PCDH15: variants seen among roughly 807,000 people sequenced by gnomAD.
The protein encoded by PCDH15 is protocadherin related 15.
A neutral mutation model predicts 178.5 loss-of-function variants in PCDH15; 129 were observed. The observed-to-expected ratio is 0.72, with a 90% CI of 0.63 to 0.84. The LOEUF is 0.84. Ranked by LOEUF, PCDH15 falls within the 40% of genes least tolerant of loss-of-function variation. The pLI is 0.00. For synonymous variants in PCDH15, 800 were observed against 732.0 expected, an observed-to-expected ratio of 1.09 and a Z score of -1.50; for missense variants, 2,230 against 2,099.9, an observed-to-expected ratio of 1.06 and a Z score of -1.21.
At chr10:55,118,349 T>C (rs966078592) in intron 2 of PCDH15, among the ~76,000 whole-genome samples, 3 of 152,166 alleles carry the variant, frequency 2.0e-5, no homozygotes, top group African/African-American at 4.8e-5. Context: ...CGAATGTAAG[T>C]TGACAAAGCT....
intron 2 of PCDH15, among the ~76,000 whole-genome samples, chr10:55,619,110 A>C (rs1843536800): frequency 6.6e-6 from 1 of 152,056 alleles, no homozygotes; most frequent in Non-Finnish European, 1.5e-5. Context: ...ACTTGTAAAA[A>C]AATGCAACCA....
At chr10:54,450,134 T>C in intron 3 of PCDH15, among the ~76,000 whole-genome samples, 1 of 47,594 alleles carries the variant, frequency 2.1e-5, no homozygotes, top group South Asian at 5.3e-4. Flanking sequence ...TTTATAAATA[T>C]ATATATATAT....
chr10:55,568,956 G>A (rs1842355967), intron 2 of PCDH15, among the ~76,000 whole-genome samples: 1 of 152,056 alleles, frequency 6.6e-6, no homozygotes. Flanking sequence ...ATCTCTGAGA[G>A]AGGGAATGGT....
chr10:54,812,228 A>G (rs1952873931), intron 3 of PCDH15, among the ~76,000 whole-genome samples: 1 of 151,934 alleles, frequency 6.6e-6, no homozygotes, highest in Non-Finnish European at 1.5e-5. Context: ...AACAAACACA[A>G]AATTGTTGGT....
intron 1 of PCDH15, among the ~76,000 whole-genome samples, chr10:55,204,586 C>A (rs1029468512): frequency 6.6e-6 from 1 of 151,974 alleles, no homozygotes; most frequent in African/African-American, 2.4e-5. Context: ...TGCTAAAGGT[C>A]TATAAGACCC....
chr10:55,013,950 C>G (rs998226340), intron 2 of PCDH15, among the ~76,000 whole-genome samples: 1 of 152,130 alleles, frequency 6.6e-6, no homozygotes, highest in South Asian at 2.1e-4. Flanking sequence ...ATCTTCTAGT[C>G]TCTATGAATT....
intron 37 of PCDH15, chr10:53,807,930 T>G (rs556978393): frequency 6.6e-6 from 1 of 152,262 alleles, no homozygotes; most frequent in African/African-American, 2.4e-5. Context: ...TACTGTGTTT[T>G]TCTCAAAATA....
chr10:54,783,193 A>C, intron 1 of PCDH15, among the ~76,000 whole-genome samples: 1 of 152,122 alleles, frequency 6.6e-6, no homozygotes, highest in East Asian at 1.9e-4. Flanking sequence ...AAAGAAACAG[A>C]TACAAGAAAA....
At chr10:55,199,625 C>T (rs1840186824) in intron 1 of PCDH15, among the ~76,000 whole-genome samples, 1 of 152,116 alleles carries the variant, frequency 6.6e-6, no homozygotes, top group Non-Finnish European at 1.5e-5. Flanking sequence ...GGGGAAAATG[C>T]CTCCAGGGCA....
At chr10:54,546,134 C>T (rs1028850897) in intron 2 of PCDH15, among the ~76,000 whole-genome samples, 1 of 152,170 alleles carries the variant, frequency 6.6e-6, no homozygotes, top group African/African-American at 2.4e-5. Context: ...CTATTTGGCT[C>T]TCATGATCTT....
At chr10:54,961,800 C>T (rs1838662812) in intron 2 of PCDH15, among the ~76,000 whole-genome samples, 1 of 152,164 alleles carries the variant, frequency 6.6e-6, no homozygotes, top group African/African-American at 2.4e-5. Context: ...GACAACCTGC[C>T]TGCAGATAAG....
chr10:55,433,349 C>T (rs1838938089), intron 2 of PCDH15, among the ~76,000 whole-genome samples: 1 of 152,084 alleles, frequency 6.6e-6, no homozygotes, highest in Non-Finnish European at 1.5e-5. Context: ...TGTTTTCACT[C>T]GTAAGTGGTA....
At chr10:55,235,367 A>T (rs1358436265) in intron 1 of PCDH15, among the ~76,000 whole-genome samples, 1 of 152,086 alleles carries the variant, frequency 6.6e-6, no homozygotes, top group East Asian at 1.9e-4. Context: ...CAACCCTAAA[A>T]AATATGGAAT....
chr10:54,699,732 T>A (rs1230391316), intron 1 of PCDH15, among the ~76,000 whole-genome samples: 1 of 152,054 alleles, frequency 6.6e-6, no homozygotes, highest in Non-Finnish European at 1.5e-5. Context: ...TCATATATAT[T>A]ATTTCCATTA....
At chr10:55,297,234 A>G (rs1224916140) in intron 1 of PCDH15, among the ~76,000 whole-genome samples, 1 of 152,118 alleles carries the variant, frequency 6.6e-6, no homozygotes, top group Non-Finnish European at 1.5e-5. Context: ...TAAGCTGAAG[A>G]TAAATGATTG....
At position 54,674,432 on chromosome 10, in the gene PCDH15, G is replaced by C. The variant is rs1248113831; in HGVS notation, c.-28-10142C>G. Among the ~76,000 whole-genome samples, 6 of 152,140 alleles carry C rather than the reference G, an allele frequency of 3.9e-5. No individual in the cohort carries two copies. In the East Asian group the frequency reaches 1.2e-3, roughly 29 times the overall value. On this transcript the variant is annotated intron_variant, in intron 1 of 37. Coordinates refer to ENST00000644397, the MANE Select transcript of PCDH15 (RefSeq NM_001384140.1). ...AATCATGTATGAAATGTATAGTCTAGAACGTTTGCAGAAATATCATCTCAA... is the reference window on the plus strand; with the variant it reads ...AATCATGTATGAAATGTATAGTCTACAACGTTTGCAGAAATATCATCTCAA...
At chr10:54,492,721 C>T (rs2079715222) in intron 3 of PCDH15, among the ~76,000 whole-genome samples, 1 of 152,108 alleles carries the variant, frequency 6.6e-6, no homozygotes. Flanking sequence ...ACTACATTCA[C>T]ATAACTTTTA....
intron 1 of PCDH15, among the ~76,000 whole-genome samples, chr10:54,727,281 A>G (rs1942697240): frequency 6.6e-6 from 1 of 151,562 alleles, no homozygotes; most frequent in South Asian, 2.1e-4. Context: ...AAAAATAGAA[A>G]TCAATACACG....
chr10:54,328,235 A>C (rs1938615477), intron 7 of PCDH15, among the ~76,000 whole-genome samples: 1 of 151,992 alleles, frequency 6.6e-6, no homozygotes, highest in East Asian at 1.9e-4. Flanking sequence ...GGAATCATCC[A>C]GTATGTAGCC....
Sources: allele counts gnomAD v4.1 joint callset (sites outside exome capture counted in the v4.1 genomes callset), GRCh38; gene constraint gnomAD v4.1.1; transcripts MANE v1.5; gene names NCBI Gene and HGNC (gene_info 2026-07-23, HGNC 2026-07-21).